The following SYTL3 variants were observed in gnomAD, a reference collection of about 807,000 sequenced individuals.
The protein encoded by SYTL3 is synaptotagmin like 3.
Under a neutral mutation model 82.1 loss-of-function variants are expected in SYTL3, and 88 were observed. The ratio of observed to expected loss-of-function variants is 1.07; its 90% CI spans 0.90 to 1.28. The LOEUF is 1.28. SYTL3 is among the 50% of genes most tolerant of loss of function. The probability of loss-of-function intolerance (pLI) is 0.00; values close to 1 mark genes in which losing one functional copy is unlikely to be tolerated. For missense variants in SYTL3, 831 were observed against 757.6 expected (o/e 1.10, Z -1.14); for synonymous variants, 311 against 289.4 (o/e 1.07, Z -0.76).
At chr6:158,647,386 T>C (rs1787549014), upstream of SYTL3, among the ~76,000 whole-genome samples, 1 of 152,266 alleles carries the variant, frequency 6.6e-6, no homozygotes, top group Non-Finnish European at 1.5e-5. Flanking sequence ...ATCTGTTCAC[T>C]TGTTCAATAC....
chr6:158,696,098 C>A (rs1474255324), intron 6 of SYTL3, among the ~76,000 whole-genome samples: 2 of 152,166 alleles, frequency 1.3e-5, no homozygotes, highest in Non-Finnish European at 2.9e-5. Flanking sequence ...TATTGAGGAA[C>A]TGCCATGGAA....
chr6:158,729,468 T>C (rs1316650591), intron 11 of SYTL3, among the ~76,000 whole-genome samples: 2 of 152,178 alleles, frequency 1.3e-5, no homozygotes, highest in Non-Finnish European at 2.9e-5. Flanking sequence ...CTCTTCATAC[T>C]ATCACATTGG....
At chr6:158,693,644 A>G (rs765459335) in intron 6 of SYTL3, among the ~76,000 whole-genome samples, 1 of 150,186 alleles carries the variant, frequency 6.7e-6, no homozygotes, top group African/African-American at 2.5e-5. Context: ...CTCAGCTTCC[A>G]AAAGTGCTGG....
chr6:158,655,386 G>A (rs1788560465), intron 2 of SYTL3, among the ~76,000 whole-genome samples: 1 of 152,152 alleles, frequency 6.6e-6, no homozygotes, highest in East Asian at 1.9e-4. Flanking sequence ...CTCAATTCAA[G>A]CCAAACATCA....
chr6:158,699,062 A>T (rs558082679), intron 6 of SYTL3, among the ~76,000 whole-genome samples: 14 of 152,198 alleles, frequency 9.2e-5, no homozygotes, highest in South Asian at 2.1e-4. Flanking sequence ...GACCTTCTGC[A>T]CACAGGGCTG....
At chr6:158,668,311 C>T (rs1241013740) in intron 5 of SYTL3, among the ~76,000 whole-genome samples, 2 of 151,638 alleles carry the variant, frequency 1.3e-5, no homozygotes, top group Non-Finnish European at 2.9e-5. Flanking sequence ...CTCACTGCAA[C>T]CTCTGCCTCC....
intron 11 of SYTL3, chr6:158,725,930 G>T: frequency 1.5e-6 from 1 of 680,722 alleles, no homozygotes; most frequent in Non-Finnish European, 2.8e-6. Context: ...TCTGCAACTC[G>T]CGTAAACAGA....
chr6:158,646,008 T>C (rs1422426376), upstream of SYTL3, among the ~76,000 whole-genome samples: 2 of 152,246 alleles, frequency 1.3e-5, no homozygotes, highest in Non-Finnish European at 2.9e-5. Context: ...TGGTTGCTTG[T>C]TGATGGTGTG....
intron 6 of SYTL3, among the ~76,000 whole-genome samples, chr6:158,703,236 G>A (rs970301264): frequency 3.3e-5 from 5 of 150,772 alleles, no homozygotes; most frequent in Non-Finnish European, 7.4e-5. Flanking sequence ...GCTCCGCGCC[G>A]TGCCTGGCAG....
At chr6:158,743,598 C>CTTTTTTTTTT (rs397887964) in intron 11 of SYTL3, among the ~76,000 whole-genome samples, 3 of 63,080 alleles carry the variant, frequency 4.8e-5, no homozygotes, top group Non-Finnish European at 8.9e-5. Context: ...CCAGTCCAAG[C>CTTTTTTTTTT]TTTTTTTTTT....
At chr6:158,751,465 T>C (rs1032780734) in intron 12 of SYTL3, among the ~76,000 whole-genome samples, 1 of 152,128 alleles carries the variant, frequency 6.6e-6, no homozygotes, top group African/African-American at 2.4e-5. Context: ...TTCTCAGCGG[T>C]TGGGAGGAGC....
intron 2 of SYTL3, among the ~76,000 whole-genome samples, chr6:158,660,693 C>G (rs543213488): frequency 1.3e-5 from 2 of 152,136 alleles, no homozygotes; most frequent in East Asian, 3.8e-4. Context: ...AGCCAGAGAA[C>G]GGAGCACAAA....
chr6:158,663,222 C>T lies in SYTL3; in HGVS notation c.-47C>T, dbSNP rs1789572973. On this transcript the variant is annotated 5_prime_UTR_variant, in exon 4 of 18. Transcript: ENST00000611299. ...ATCTGCAGGGCGTGAGCGCTTGGTCCATGCAGTGAAGCTCTTCCAACCTGG... is the reference window on the plus strand; with the variant it reads ...ATCTGCAGGGCGTGAGCGCTTGGTCTATGCAGTGAAGCTCTTCCAACCTGG... 6.3e-7 allele frequency: 1 copy of T among 1,576,404 alleles called. No homozygotes were observed.
chr6:158,756,081 C>G (rs2128538560), intron 13 of SYTL3, among the ~76,000 whole-genome samples: 1 of 152,344 alleles, frequency 6.6e-6, no homozygotes, highest in South Asian at 2.1e-4. Flanking sequence ...AGGGTTTGTT[C>G]ATTATTGAGA....
intron 16 of SYTL3, among the ~76,000 whole-genome samples, chr6:158,763,025 G>A (rs968336769): frequency 3.9e-5 from 6 of 152,204 alleles, no homozygotes; most frequent in African/African-American, 7.2e-5. Context: ...AGGAGATAAC[G>A]TGTATCTGCA....
chr6:158,721,108 A>G (rs1045331903), intron 10 of SYTL3, among the ~76,000 whole-genome samples: 1 of 152,154 alleles, frequency 6.6e-6, no homozygotes, highest in African/African-American at 2.4e-5. Context: ...ATCCAAGTAG[A>G]CATTGTTATG....
intron 5 of SYTL3, among the ~76,000 whole-genome samples, chr6:158,672,226 G>T (rs1229196830): frequency 6.6e-6 from 1 of 152,186 alleles, no homozygotes; most frequent in Non-Finnish European, 1.5e-5. Flanking sequence ...GGGAGGCGGA[G>T]GTTGCAGTGA....
chr6:158,755,363 A>G (rs1439908492), intron 13 of SYTL3, among the ~76,000 whole-genome samples: 1 of 152,142 alleles, frequency 6.6e-6, no homozygotes, highest in Non-Finnish European at 1.5e-5. Flanking sequence ...ATATGGACCC[A>G]TAGACTTGAG....
intron 10 of SYTL3, among the ~76,000 whole-genome samples, chr6:158,723,782 C>T (rs1784398440): frequency 6.6e-6 from 1 of 152,188 alleles, no homozygotes; most frequent in Non-Finnish European, 1.5e-5. Context: ...CATTCTTGAA[C>T]CCCTCCCATT....
Sources: gnomAD v4.1 joint callset for allele counts (sites outside exome capture counted in the v4.1 genomes callset) on GRCh38, gnomAD v4.1.1 for gene constraint, MANE v1.5 for transcripts, NCBI Gene and HGNC (gene_info 2026-07-23, HGNC 2026-07-21) for gene names.